The following PALLD variants were observed in gnomAD, a reference collection of about 807,000 sequenced individuals.
PALLD encodes the protein palladin.
A neutral mutation model predicts 123.5 loss-of-function variants in PALLD; 61 were observed. That is an observed-to-expected ratio of 0.49 (90% confidence interval 0.40 to 0.61). The LOEUF is 0.61. PALLD is among the 20% of genes least tolerant of loss of function. The pLI is 0.00. For missense variants in PALLD, 1,273 were observed against 1,377.0 expected, an observed-to-expected ratio of 0.92 and a Z score of 1.20; for synonymous variants, 465 against 496.4, an observed-to-expected ratio of 0.94 and a Z score of 0.84.
At chr4:168,861,102 T>C (rs1250973554) in intron 10 of PALLD, among the ~76,000 whole-genome samples, 2 of 152,204 alleles carry the variant, frequency 1.3e-5, no homozygotes, top group Non-Finnish European at 2.9e-5. Flanking sequence ...TTTTTGTTTG[T>C]TTTAGCCAAG....
chr4:168,927,729 G>A lies in PALLD; in HGVS notation c.*1549G>A, dbSNP rs1762736505. On this transcript the variant is annotated 3_prime_UTR_variant, in exon 22 of 22. Coordinates refer to ENST00000505667, the MANE Select transcript of PALLD (RefSeq NM_001166108.2). ...TCTCGGTAAAGACTGCTTTTTGAATGCATATGATTTTGCATCAGCTAGACT... is the reference window on the plus strand; with the variant it reads ...TCTCGGTAAAGACTGCTTTTTGAATACATATGATTTTGCATCAGCTAGACT... The A allele has an allele frequency of 4.5e-6, 1 of 222,746 alleles. No homozygotes were observed. Among genetic ancestry groups the A allele is most frequent in the Non-Finnish European group, 9.0e-6 (1 of 111,094 alleles). The allele number at this position is 222,746 out of a possible 1,614,324, so 13.8% of individuals were successfully genotyped here.
chr4:168,722,364 T>G (rs1203862812), intron 10 of PALLD, among the ~76,000 whole-genome samples: 1 of 152,176 alleles, frequency 6.6e-6, no homozygotes, highest in Non-Finnish European at 1.5e-5. Context: ...CCAAATACTT[T>G]AAAGACCAAC....
At chr4:168,834,183 G>A (rs1017153972) in intron 10 of PALLD, among the ~76,000 whole-genome samples, 7 of 151,980 alleles carry the variant, frequency 4.6e-5, no homozygotes, top group African/African-American at 9.7e-5. Context: ...TGTGTGAGGA[G>A]CATGGGGGAT....
intron 10 of PALLD, among the ~76,000 whole-genome samples, chr4:168,763,292 A>G (rs1168553372): frequency 6.6e-6 from 1 of 152,176 alleles, no homozygotes; most frequent in Non-Finnish European, 1.5e-5. Context: ...TTTAGACCCA[A>G]TCTTCAGATA....
chr4:168,658,287 T>TG (rs930986912), intron 2 of PALLD, among the ~76,000 whole-genome samples: 1 of 144,422 alleles, frequency 6.9e-6, no homozygotes, highest in African/African-American at 2.6e-5. Context: ...TTTATTTGGT[T>TG]TTTTTTTTTT....
chr4:168,579,633 T>C (rs2149645147), intron 2 of PALLD, among the ~76,000 whole-genome samples: 1 of 152,266 alleles, frequency 6.6e-6, no homozygotes, highest in Admixed American at 6.6e-5. Flanking sequence ...ATCATGTTTA[T>C]GCCCCTATTG....
intron 2 of PALLD, among the ~76,000 whole-genome samples, chr4:168,574,915 A>C (rs1417797149): frequency 6.6e-6 from 1 of 152,066 alleles, no homozygotes; most frequent in Non-Finnish European, 1.5e-5. Flanking sequence ...TCACTCTCTG[A>C]CTCACTTAAA....
intron 10 of PALLD, among the ~76,000 whole-genome samples, chr4:168,847,930 G>A (rs1747130013): frequency 6.6e-6 from 1 of 152,142 alleles, no homozygotes; most frequent in Non-Finnish European, 1.5e-5. Flanking sequence ...GAGCTAATTA[G>A]CTGTAGAACT....
chr4:168,567,837 G>A (rs990108498), intron 2 of PALLD, among the ~76,000 whole-genome samples: 71 of 151,614 alleles, frequency 4.7e-4, no homozygotes, highest in Non-Finnish European at 4.1e-4. Context: ...ATTACCTATC[G>A]GGTACAATGT....
At chr4:168,718,908 A>ATTT (rs55772255) in intron 10 of PALLD, among the ~76,000 whole-genome samples, 23 of 140,254 alleles carry the variant, frequency 1.6e-4, no homozygotes, top group East Asian at 8.3e-4. Context: ...TGCCAATCTA[A>ATTT]TTTTTTTTTT....
intron 2 of PALLD, among the ~76,000 whole-genome samples, chr4:168,539,508 A>G (rs1377776790): frequency 6.6e-6 from 1 of 152,008 alleles, no homozygotes; most frequent in Non-Finnish European, 1.5e-5. Flanking sequence ...GAATCGCTTG[A>G]ACCCGGGAGG....
chr4:168,798,331 A>G (rs754312444), intron 10 of PALLD, among the ~76,000 whole-genome samples: 1 of 152,244 alleles, frequency 6.6e-6, no homozygotes, highest in Non-Finnish European at 1.5e-5. Flanking sequence ...AAGTTGAAAA[A>G]TAAAGGGTTT....
chr4:168,778,605 TAACA>T (rs942189827), intron 10 of PALLD, among the ~76,000 whole-genome samples: 8 of 152,182 alleles, frequency 5.3e-5, no homozygotes, highest in African/African-American at 1.9e-4. Context: ...AATATTTACA[TAACA>T]AACCTTTACA....
chr4:168,916,787 C>T (rs1760210208), intron 17 of PALLD, among the ~76,000 whole-genome samples: 1 of 150,444 alleles, frequency 6.6e-6, no homozygotes, highest in African/African-American at 2.4e-5. Context: ...TCTCCTGCCT[C>T]AGCCTCCTGA....
chr4:168,896,738 T>TTA, intron 13 of PALLD, 139 bp downstream of exon 13: 1 of 604,942 alleles, frequency 1.7e-6, no homozygotes, highest in South Asian at 2.1e-5. Flanking sequence ...TTTCATTTAA[T>TTA]ATCAGATACA....
At chr4:168,908,646 G>GA (rs919381755) in intron 15 of PALLD, among the ~76,000 whole-genome samples, 28 of 151,770 alleles carry the variant, frequency 1.8e-4, no homozygotes, top group Non-Finnish European at 2.4e-4. Context: ...TTTGAGTTTA[G>GA]AAAAAAAAGT....
chr4:168,779,500 A>G (rs1298502580), intron 10 of PALLD, among the ~76,000 whole-genome samples: 2 of 150,938 alleles, frequency 1.3e-5, no homozygotes, highest in Non-Finnish European at 3.0e-5. Flanking sequence ...TATATAAAAA[A>G]TCATATATAT....
intron 2 of PALLD, among the ~76,000 whole-genome samples, chr4:168,521,274 C>T (rs760915335): frequency 1.6e-4 from 24 of 152,160 alleles, no homozygotes; most frequent in African/African-American, 2.2e-4. Flanking sequence ...GCATCAGAAG[C>T]GCTTAGTGGT....
chr4:168,548,142 C>T (rs1283020002), intron 2 of PALLD, among the ~76,000 whole-genome samples: 2 of 151,808 alleles, frequency 1.3e-5, no homozygotes, highest in Non-Finnish European at 2.9e-5. Flanking sequence ...CCAAAGTGTT[C>T]AACATAAAAA....
Sources: allele counts gnomAD v4.1 joint callset (sites outside exome capture counted in the v4.1 genomes callset), GRCh38; gene constraint gnomAD v4.1.1; transcripts MANE v1.5; gene names NCBI Gene and HGNC (gene_info 2026-07-23, HGNC 2026-07-21).